Variants in MDN1 observed in about 807,000 individuals in gnomAD.
MDN1 encodes the protein midasin.
Under a neutral mutation model 669.2 loss-of-function variants are expected in MDN1, and 266 were observed. The observed-to-expected ratio is 0.40, with a 90% CI of 0.36 to 0.44. The LOEUF (loss-of-function observed/expected upper bound fraction) is 0.44. Among genes scored for constraint, MDN1 ranks in the 20% least tolerant of loss-of-function variants. The pLI, the probability that MDN1 is intolerant of heterozygous loss-of-function variation, is 1.00. For missense variants in MDN1, 5,940 were observed against 6,754.0 expected (o/e 0.88, Z 4.22); for synonymous variants, 2,385 against 2,457.1 (o/e 0.97, Z 0.87).
At chr6:89,688,046 A>G (rs746561361) in intron 67 of MDN1, 32 bp downstream of exon 67, 1 of 1,564,464 alleles carries the variant, frequency 6.4e-7, no homozygotes, top group Non-Finnish European at 8.8e-7. Context: ...ACTGACCACC[A>G]ACTAAAATGA....
chr6:89,790,106 T>C, intron 6 of MDN1, 53 bp downstream of exon 6: 1 of 1,610,466 alleles, frequency 6.2e-7, no homozygotes. Flanking sequence ...AATATTTTAA[T>C]GCAAATATTT....
Position 89,672,600 on chromosome 6 carries a change from T to A in MDN1, c.13577A>T (p.Lys4526Met). 2 of 1,614,202 alleles carry A rather than the reference T, an allele frequency of 1.2e-6. No individual in the cohort carries two copies. Among genetic ancestry groups the A allele is most frequent in the African/African-American group, 1.3e-5 (1 of 75,064 alleles). ...LCAIQNLEER[K>M]NEKAEENTDQ... The stretch of plus-strand genomic sequence containing the variant: ...AGTGTTCTCCTCTGCTTTTTCATTC[T>A]TTCTTTCTTCTAAGTTCTGGATGGC... The change falls in exon 81 of 102, where the codon AAG becomes ATG. Residue 4526 changes from lysine to methionine, a missense_variant. Lys to Met is a moderately conservative substitution (Grantham distance 95). This residue lies in a region of MDN1 where 2,280 missense variants were observed against 2,576.3 expected (regional missense o/e 0.88). Coordinates refer to ENST00000369393, the MANE Select transcript of MDN1 (RefSeq NM_014611.3).
intron 17 of MDN1, among the ~76,000 whole-genome samples, chr6:89,759,650 G>A (rs1817433480): frequency 6.6e-6 from 1 of 152,002 alleles, no homozygotes; most frequent in Non-Finnish European, 1.5e-5. Flanking sequence ...CTTAATCCCA[G>A]CTACTCAGGA....
chr6:89,718,735 T>C (rs1310698908), intron 42 of MDN1, 32 bp downstream of exon 42: 1 of 1,611,188 alleles, frequency 6.2e-7, no homozygotes, highest in Non-Finnish European at 8.5e-7. Flanking sequence ...TTTATTATGC[T>C]TTGCCAGAAA....
chr6:89,655,716 T>A, intron 92 of MDN1, 48 bp downstream of exon 92: 1 of 1,521,408 alleles, frequency 6.6e-7, no homozygotes, highest in Non-Finnish European at 8.9e-7. Flanking sequence ...GCACAAGCTC[T>A]CATAGAGAGC....
At chr6:89,819,127 T>C (rs972257980) in intron 1 of MDN1, among the ~76,000 whole-genome samples, 1 of 151,910 alleles carries the variant, frequency 6.6e-6, no homozygotes, top group Non-Finnish European at 1.5e-5. Flanking sequence ...CTAACAGGAG[T>C]GGCTGCACTA....
In MDN1 at chr6:89,745,612, C is replaced by A. The variant is rs1192094051; in HGVS notation, c.3919G>T (p.Ala1307Ser). The A allele has an allele frequency of 6.2e-7, 1 of 1,613,898 alleles. No individual in the cohort carries two copies. The highest frequency in any genetic ancestry group is 2.2e-5 in the East Asian group (1 of 44,878). The change falls in exon 28 of 102, where the codon GCA (alanine) becomes TCA (serine). Residue 1307 changes from alanine (A) to serine (S), a missense_variant. Physicochemically the swap from Ala to Ser is moderately conservative, Grantham distance 99. Transcript: ENST00000369393. ...HLANDGYMLL[A>S]GRVRKQEEID... is the part of the protein sequence containing the mutation. ...TCCTCCTGCTTCCTGACTCGACCTG[C>A]CAGAAGCATATAACCTGGGAGGAGG... is the stretch of plus-strand genomic sequence containing the variant.
chr6:89,659,759 C>G (rs1424103040), intron 88 of MDN1, among the ~76,000 whole-genome samples: 1 of 152,180 alleles, frequency 6.6e-6, no homozygotes, highest in Non-Finnish European at 1.5e-5. Flanking sequence ...TGATCATATA[C>G]AGAAAATACA....
intron 88 of MDN1, 26 bp downstream of exon 88, chr6:89,661,405 G>T: frequency 6.2e-7 from 1 of 1,603,470 alleles, no homozygotes. Context: ...AGTTCTAACC[G>T]GTCTCTTTGT....
chr6:89,661,103 C>T (rs78705266), intron 88 of MDN1, among the ~76,000 whole-genome samples: 40 of 152,258 alleles, frequency 2.6e-4, no homozygotes, highest in East Asian at 1.7e-3. Context: ...GACTGCACAG[C>T]GTTTACACCA....
chr6:89,711,299 G>T (rs1284673029), intron 49 of MDN1, among the ~76,000 whole-genome samples: 1 of 151,972 alleles, frequency 6.6e-6, no homozygotes, highest in Non-Finnish European at 1.5e-5. Context: ...TTCCACATCT[G>T]TGGAATTCAA....
intron 50 of MDN1, among the ~76,000 whole-genome samples, chr6:89,708,912 A>G (rs1813697116): frequency 6.6e-6 from 1 of 151,794 alleles, no homozygotes; most frequent in East Asian, 1.9e-4. Flanking sequence ...CAACATTCCA[A>G]CCAATGAATT....
intron 100 of MDN1, among the ~76,000 whole-genome samples, chr6:89,645,495 T>C (rs1001645929): frequency 6.6e-6 from 1 of 152,240 alleles, no homozygotes; most frequent in South Asian, 2.1e-4. Flanking sequence ...AACACTAGTT[T>C]ATGGCTATAA....
intron 9 of MDN1, among the ~76,000 whole-genome samples, chr6:89,783,474 T>C (rs937954582): frequency 6.6e-6 from 1 of 152,212 alleles, no homozygotes; most frequent in Non-Finnish European, 1.5e-5. Flanking sequence ...CCGCTGAACA[T>C]AGAGCCTTAT....
intron 64 of MDN1, 104 bp downstream of exon 64, chr6:89,690,569 C>CAT: frequency 7.2e-7 from 1 of 1,391,708 alleles, no homozygotes; most frequent in Non-Finnish European, 9.9e-7. Flanking sequence ...AAAATACATA[C>CAT]ATACAGAGAG....
At chr6:89,731,095 C>T (rs1034613903) in intron 34 of MDN1, among the ~76,000 whole-genome samples, 172 bp from the exon 35 acceptor site, 3 of 152,192 alleles carry the variant, frequency 2.0e-5, no homozygotes, top group Non-Finnish European at 4.4e-5. Flanking sequence ...ACGCATCCCC[C>T]ACAATCTATG....
intron 46 of MDN1, 132 bp from the exon 47 acceptor site, chr6:89,713,428 C>A: frequency 1.3e-6 from 1 of 796,164 alleles, no homozygotes; most frequent in Non-Finnish European, 2.0e-6. Context: ...CAAAACATTC[C>A]AAGTAGACTC....
In MDN1 at chr6:89,745,606, G is replaced by A. The variant is rs758600563; in HGVS notation, c.3925C>T (p.Arg1309Ter). The A allele has an allele frequency of 1.2e-6, 2 of 1,613,872 alleles. No individual in the cohort carries two copies. Among genetic ancestry groups the A allele is most frequent in the Non-Finnish European group, 1.7e-6 (2 of 1,179,954 alleles). ...ANDGYMLLAG[R>*]VRKQEEIDVI... ...TCAATTTCCTCCTGCTTCCTGACTC[G>A]ACCTGCCAGAAGCATATAACCTGGG... The change falls in exon 28 of 102, where the codon CGA (arginine) becomes TGA (stop). Residue 1309 changes from arginine to a stop codon, truncating the protein, a stop_gained. Coordinates refer to ENST00000369393, the MANE Select transcript of MDN1 (RefSeq NM_014611.3). LOFTEE classifies it high-confidence loss of function.
intron 63 of MDN1, 41 bp downstream of exon 63, chr6:89,692,402 G>A (rs1411587221): frequency 5.8e-6 from 9 of 1,553,316 alleles, no homozygotes; most frequent in Non-Finnish European, 7.8e-6. Context: ...CTGGCTCTCT[G>A]CAGGAGGAAG....
Sources: gnomAD v4.1 joint callset for allele counts (sites outside exome capture counted in the v4.1 genomes callset) on GRCh38, gnomAD v4.1.1 for gene constraint, gnomAD v4.1.1 regional missense constraint, MANE v1.5 for transcripts, NCBI Gene and HGNC (gene_info 2026-07-23, HGNC 2026-07-21) for gene names.